The following CDRT4 variants were observed in gnomAD, a reference collection of about 807,000 sequenced individuals.
CDRT4 encodes the protein CMT1A duplicated region transcript 4 protein.
For synonymous variants in CDRT4, 64 were observed against 69.6 expected, an observed-to-expected ratio of 0.92 and a Z score of 0.40; for missense variants, 167 against 193.1, an observed-to-expected ratio of 0.87 and a Z score of 0.80.
chr17:15,456,563 T>TACACACACACACACACACAC (rs3029212), intron 1 of CDRT4, among the ~76,000 whole-genome samples: 12 of 145,612 alleles, frequency 8.2e-5, no homozygotes, highest in African/African-American at 3.1e-4. Context: ...AATCTTCCTT[T>TACACACACACACACACACAC]ACACACACAC....
At chr17:15,460,491 T>C (rs1380086011) in intron 1 of CDRT4, among the ~76,000 whole-genome samples, 1 of 152,236 alleles carries the variant, frequency 6.6e-6, no homozygotes, top group African/African-American at 2.4e-5. Context: ...GTGCATTAAG[T>C]GCTGGATTAT....
At chr17:15,438,244 GCAATAGC>G in intron 3 of CDRT4, 44 bp from the exon 4 acceptor site, 3 of 1,570,958 alleles carry the variant, frequency 1.9e-6, no homozygotes, top group Non-Finnish European at 2.6e-6. Context: ...GCAGTCACAT[GCAATAGC>G]TTGATTCTTC....
intron 1 of CDRT4, among the ~76,000 whole-genome samples, chr17:15,456,293 G>T (rs529898299): frequency 6.6e-5 from 10 of 152,146 alleles, no homozygotes; most frequent in Non-Finnish European, 1.3e-4. Flanking sequence ...GTGGGGTATG[G>T]ATGTAGGGCA....
chr17:15,451,244 C>T (rs553507754), intron 2 of CDRT4, among the ~76,000 whole-genome samples: 14 of 152,140 alleles, frequency 9.2e-5, no homozygotes, highest in Admixed American at 2.6e-4. Context: ...CCATGTAAGA[C>T]GTGCTTTGCT....
chr17:15,440,752 T>A (rs944009213), intron 2 of CDRT4, among the ~76,000 whole-genome samples: 15 of 151,370 alleles, frequency 9.9e-5, no homozygotes, highest in Non-Finnish European at 1.9e-4. Flanking sequence ...TGGCCAGGAG[T>A]CAGCTACCAG....
intron 1 of CDRT4, among the ~76,000 whole-genome samples, chr17:15,459,909 T>G (rs1378784969): frequency 1.3e-5 from 2 of 152,136 alleles, no homozygotes; most frequent in Non-Finnish European, 1.5e-5. Flanking sequence ...CCCTTTCTCC[T>G]GAGTCCCAGC....
intron 3 of CDRT4, 117 bp from the exon 4 acceptor site, chr17:15,438,317 T>C (rs1179299363): frequency 1.7e-5 from 15 of 869,624 alleles, no homozygotes; most frequent in Non-Finnish European, 2.5e-5. Context: ...TTTGCACCCC[T>C]TGTATTCAGT....
At chr17:15,442,409 C>T (rs1160573701) in intron 2 of CDRT4, among the ~76,000 whole-genome samples, 2 of 148,190 alleles carry the variant, frequency 1.3e-5, no homozygotes, top group East Asian at 3.9e-4. Flanking sequence ...GACTCCGTCT[C>T]CAAGAAAAAA....
chr17:15,453,775 G>C (rs142940122), intron 1 of CDRT4, among the ~76,000 whole-genome samples: 31 of 152,292 alleles, frequency 2.0e-4, no homozygotes, highest in African/African-American at 7.0e-4. Context: ...GTTCAAGACA[G>C]GTCAGTGACT....
At chr17:15,463,573 C>A (rs771651824) in intron 1 of CDRT4, among the ~76,000 whole-genome samples, 2 of 152,198 alleles carry the variant, frequency 1.3e-5, no homozygotes, top group Non-Finnish European at 2.9e-5. Flanking sequence ...TTCAGCTAGG[C>A]ACTCACTGTA....
chr17:15,445,532 G>A lies in CDRT4; in HGVS notation c.-47-5247C>T, dbSNP rs573000628. Among the ~76,000 whole-genome samples, 46 of 152,258 alleles carry A rather than the reference G, an allele frequency of 3.0e-4. No homozygotes were observed. In the South Asian group the frequency reaches 9.1e-3, roughly 30 times the overall value. On this transcript the variant is annotated intron_variant, in intron 2 of 3. Coordinates refer to ENST00000619038, the MANE Select transcript of CDRT4 (RefSeq NM_001204477.2). ...ACTCATTCATTCATTCATTTAATGC[G>A]TGGGTCATCTCATGGAACTAGCAAC...
intron 3 of CDRT4, 34 bp downstream of exon 3, chr17:15,440,174 C>A: frequency 6.2e-7 from 1 of 1,612,680 alleles, no homozygotes; most frequent in Non-Finnish European, 8.5e-7. Flanking sequence ...GGCCCCAGTG[C>A]AGGAGCTTCC....
At chr17:15,438,437 A>T (rs1303980465) in intron 3 of CDRT4, among the ~76,000 whole-genome samples, 1 of 152,200 alleles carries the variant, frequency 6.6e-6, no homozygotes, top group Non-Finnish European at 1.5e-5. Flanking sequence ...AACAGATCTG[A>T]TTGATTTTAA....
At chr17:15,459,567 C>T (rs1442441315) in intron 1 of CDRT4, among the ~76,000 whole-genome samples, 3 of 151,564 alleles carry the variant, frequency 2.0e-5, no homozygotes, top group Admixed American at 2.0e-4. Flanking sequence ...GCCTCAGCCT[C>T]CTGAGTAGCT....
intron 3 of CDRT4, chr17:15,439,274 A>T (rs932359557): frequency 1.4e-4 from 19 of 132,744 alleles, no homozygotes; most frequent in Admixed American, 9.6e-4. Context: ...GAATGCAGTT[A>T]AAAAAAAAAA....
chr17:15,445,184 T>C (rs1001032557), intron 2 of CDRT4, among the ~76,000 whole-genome samples: 1 of 152,184 alleles, frequency 6.6e-6, no homozygotes, highest in Admixed American at 6.5e-5. Context: ...CTCAATCTAG[T>C]GTTTCCTAAA....
chr17:15,455,269 T>A (rs1205099543), intron 1 of CDRT4, among the ~76,000 whole-genome samples: 1 of 152,188 alleles, frequency 6.6e-6, no homozygotes, highest in African/African-American at 2.4e-5. Flanking sequence ...AGTCTCTAGA[T>A]GCTATGCCAA....
chr17:15,463,326 A>T (rs1013307997), intron 1 of CDRT4, among the ~76,000 whole-genome samples: 1 of 152,194 alleles, frequency 6.6e-6, no homozygotes, highest in Non-Finnish European at 1.5e-5. Context: ...GAAAGACTCC[A>T]CCATCAAACA....
At chr17:15,466,525 T>C (rs1980051169) in intron 1 of CDRT4, among the ~76,000 whole-genome samples, 1 of 152,204 alleles carries the variant, frequency 6.6e-6, no homozygotes, top group African/African-American at 2.4e-5. Context: ...CTAAATTACT[T>C]TTTTTAATTT....
Sources: allele counts gnomAD v4.1 joint callset (sites outside exome capture counted in the v4.1 genomes callset), GRCh38; gene constraint gnomAD v4.1.1; transcripts MANE v1.5; gene names NCBI Gene and HGNC (gene_info 2026-07-23, HGNC 2026-07-21).